Variants in SMYD2 observed in about 807,000 individuals in gnomAD.
The protein encoded by SMYD2 is SET and MYND domain containing 2, also known as N-lysine methyltransferase SMYD2.
A neutral mutation model predicts 59.1 loss-of-function variants in SMYD2; 53 were observed. The observed-to-expected ratio is 0.90, with a 90% confidence interval of 0.72 to 1.13. The LOEUF (loss-of-function observed/expected upper bound fraction) is 1.13, where lower values mean the gene tolerates loss of function less well. Among genes scored for constraint, SMYD2 ranks in the 50% most tolerant of loss-of-function variants. SMYD2 has a pLI of 0.00. For synonymous variants in SMYD2, 208 were observed against 198.8 expected (o/e 1.05, Z -0.39); for missense variants, 494 against 544.7 (o/e 0.91, Z 0.93).
At chr1:214,306,510 C>T (rs1425219613) in intron 2 of SMYD2, among the ~76,000 whole-genome samples, 1 of 152,174 alleles carries the variant, frequency 6.6e-6, no homozygotes, top group Non-Finnish European at 1.5e-5. Flanking sequence ...ACAGCAGGCT[C>T]CCGGAGGCTG....
chr1:214,290,881 A>G (rs972304139), intron 1 of SMYD2, among the ~76,000 whole-genome samples: 2 of 152,146 alleles, frequency 1.3e-5, no homozygotes, highest in African/African-American at 4.8e-5. Flanking sequence ...TTTTGATGAG[A>G]TGGGGATTTT....
At chr1:214,329,832 AG>A (rs1454109906) in intron 7 of SMYD2, among the ~76,000 whole-genome samples, 1 of 152,198 alleles carries the variant, frequency 6.6e-6, no homozygotes, top group Non-Finnish European at 1.5e-5. Flanking sequence ...AACTACATGA[AG>A]GCCAGGCAGA....
At chr1:214,300,829 T>G (rs1222590693) in intron 1 of SMYD2, among the ~76,000 whole-genome samples, 30 of 152,194 alleles carry the variant, frequency 2.0e-4, no homozygotes, top group Admixed American at 1.8e-3. Flanking sequence ...AATAATAGCT[T>G]CTTCTTAGAC....
intron 1 of SMYD2, among the ~76,000 whole-genome samples, chr1:214,283,726 T>C (rs912126710): frequency 2.6e-5 from 4 of 152,128 alleles, no homozygotes; most frequent in African/African-American, 4.8e-5. Flanking sequence ...ATTCTGGAAA[T>C]GTTCATACTT....
At chr1:214,336,526 C>T (rs747627447) in intron 11 of SMYD2, among the ~76,000 whole-genome samples, 178 bp from the exon 12 acceptor site, 5 of 151,906 alleles carry the variant, frequency 3.3e-5, no homozygotes, top group East Asian at 1.9e-4. Flanking sequence ...AGCGAGACTC[C>T]GTCTCAAAAT....
intron 5 of SMYD2, 134 bp from the exon 6 acceptor site, chr1:214,324,507 C>T: frequency 1.4e-6 from 1 of 728,910 alleles, no homozygotes. Flanking sequence ...ATAACATGGG[C>T]AAAAGAAAGG....
intron 1 of SMYD2, among the ~76,000 whole-genome samples, chr1:214,288,108 A>G (rs908418055): frequency 6.6e-6 from 1 of 152,226 alleles, no homozygotes; most frequent in Non-Finnish European, 1.5e-5. Flanking sequence ...CTGGTGAGTT[A>G]AAACCACCAT....
chr1:214,326,859 A>G (rs748210312), intron 6 of SMYD2, among the ~76,000 whole-genome samples: 9 of 152,144 alleles, frequency 5.9e-5, no homozygotes, highest in Non-Finnish European at 1.0e-4. Context: ...GGCAGTTTTA[A>G]TTGGGGGAAA....
At chr1:214,291,664 G>A (rs1296538746) in intron 1 of SMYD2, among the ~76,000 whole-genome samples, 1 of 152,054 alleles carries the variant, frequency 6.6e-6, no homozygotes, top group African/African-American at 2.4e-5. Context: ...TTTTCTTCCA[G>A]GGGTGTTGGC....
At chr1:214,331,955 C>CA in intron 9 of SMYD2, 63 bp from the exon 10 acceptor site, 1 of 1,523,510 alleles carries the variant, frequency 6.6e-7, no homozygotes, top group Non-Finnish European at 8.9e-7. Context: ...ACTCCTTGAA[C>CA]CCAGCCTGGG....
At chr1:214,306,177 A>C (rs1023724543) in intron 2 of SMYD2, among the ~76,000 whole-genome samples, 4 of 152,050 alleles carry the variant, frequency 2.6e-5, no homozygotes, top group African/African-American at 9.7e-5. Flanking sequence ...CTATAGCTGC[A>C]TCTCTTTTTG....
At chr1:214,306,663 C>G (rs9429918) in intron 2 of SMYD2, among the ~76,000 whole-genome samples, 123,917 of 152,204 alleles carry the variant, frequency 0.81, 51,213 homozygotes, top group African/African-American at 0.95. Context: ...AGATCAGCAG[C>G]CCCTGCGACA....
intron 1 of SMYD2, among the ~76,000 whole-genome samples, chr1:214,300,049 T>G (rs1010786959): frequency 6.6e-6 from 1 of 152,226 alleles, no homozygotes; most frequent in Non-Finnish European, 1.5e-5. Flanking sequence ...GCTCACTACC[T>G]GGGTGATGGT....
rs545316011 is a variant in SMYD2 at position 214,318,672 on chromosome 1, T to G, written c.410-187T>G. Reference sequence around the variant, plus strand: ...GAGAGAAGGAAGAAATGGCTTGCTTTCTTTCCTTAGGGTTTGTCAGTTAAA... The same window carrying G: ...GAGAGAAGGAAGAAATGGCTTGCTTGCTTTCCTTAGGGTTTGTCAGTTAAA... On this transcript the variant is annotated intron_variant, in intron 4 of 11. Transcript: ENST00000366957. The surrounding 1 kb of genome is among the most constrained non-coding windows in gnomAD (Gnocchi z 5.4). 1.9e-4 allele frequency among the ~76,000 whole-genome samples: 29 copies of G among 152,178 alleles called. No homozygotes were observed. Among genetic ancestry groups the G allele is most frequent in the African/African-American group, 6.7e-4 (28 of 41,526 alleles).
At chr1:214,286,577 C>T (rs1656549593) in intron 1 of SMYD2, among the ~76,000 whole-genome samples, 1 of 151,944 alleles carries the variant, frequency 6.6e-6, no homozygotes, top group Admixed American at 6.6e-5. Context: ...TTGAGACCAG[C>T]CTGGCCAACA....
intron 1 of SMYD2, among the ~76,000 whole-genome samples, chr1:214,304,160 A>C (rs1279817664): frequency 6.6e-6 from 1 of 152,204 alleles, no homozygotes; most frequent in Non-Finnish European, 1.5e-5. Context: ...ATAACAATGA[A>C]TAAGTTGAAT....
intron 2 of SMYD2, among the ~76,000 whole-genome samples, chr1:214,306,863 C>A (rs1168257518): frequency 2.0e-5 from 3 of 152,190 alleles, no homozygotes; most frequent in Non-Finnish European, 4.4e-5. Context: ...CTGCTACTTA[C>A]TAGCTCTATG....
chr1:214,322,066 G>A (rs1657180639), intron 5 of SMYD2, among the ~76,000 whole-genome samples: 1 of 152,160 alleles, frequency 6.6e-6, no homozygotes, highest in Non-Finnish European at 1.5e-5. Context: ...TGCTGCAGAG[G>A]AGGGACTGAA....
In SMYD2 at chr1:214,336,815, C is replaced by G; in HGVS notation, c.*31C>G. The G allele has an allele frequency of 6.3e-7, 1 of 1,577,432 alleles. No individual in the cohort carries two copies. Among genetic ancestry groups the G allele is most frequent in the Non-Finnish European group, 8.7e-7 (1 of 1,151,294 alleles). ...TGCAGCATTTCAGTTTTCATTTAAACACTTAGTTCAGAAACCTTAAAGGAT... is the reference window on the plus strand; with the variant it reads ...TGCAGCATTTCAGTTTTCATTTAAAGACTTAGTTCAGAAACCTTAAAGGAT... On this transcript the variant is annotated 3_prime_UTR_variant, in exon 12 of 12. Transcript: ENST00000366957.
Sources: allele counts gnomAD v4.1 joint callset (sites outside exome capture counted in the v4.1 genomes callset), GRCh38; gene constraint gnomAD v4.1.1; non-coding constraint Gnocchi (gnomAD v3.1); transcripts MANE v1.5; gene names NCBI Gene and HGNC (gene_info 2026-07-23, HGNC 2026-07-21).